CMTR1: variants seen among roughly 807,000 people sequenced by gnomAD.
CMTR1 encodes cap methyltransferase 1.
In CMTR1, 39 loss-of-function variants were observed where a neutral mutation model predicts 107.0. The ratio of observed to expected loss-of-function variants is 0.36; its 90% CI spans 0.28 to 0.48. The LOEUF (loss-of-function observed/expected upper bound fraction) is 0.48. Ranked by LOEUF, CMTR1 falls within the 20% of genes least tolerant of loss-of-function variation. CMTR1 has a pLI of 0.99. For missense variants in CMTR1, 672 were observed against 1,064.9 expected, an observed-to-expected ratio of 0.63 and a Z score of 5.14; for synonymous variants, 366 against 379.5, an observed-to-expected ratio of 0.96 and a Z score of 0.41.
At chr6:37,471,306 A>C (rs1448976065) in intron 14 of CMTR1, among the ~76,000 whole-genome samples, 1 of 152,208 alleles carries the variant, frequency 6.6e-6, no homozygotes, top group African/African-American at 2.4e-5. Flanking sequence ...GGAAAAGGAT[A>C]CAGGAAAGGT....
At chr6:37,429,743 G>T (rs1297257383), upstream of CMTR1, among the ~76,000 whole-genome samples, 1 of 152,178 alleles carries the variant, frequency 6.6e-6, no homozygotes, top group African/African-American at 2.4e-5. Context: ...TTCAAGACCA[G>T]CCTGGCCAAT....
chr6:37,463,583 GTGTT>G lies in CMTR1; in HGVS notation c.1505+578_1505+581del, dbSNP rs1761444177. On this transcript the variant is annotated intron_variant, in intron 13 of 23. Transcript: ENST00000373451. ...CTCAGTGGGCAGGCCTTTGAAAAAA[GTGTT>G]TGGAGATAGGCTGGAGGGTTGTATA... 2.0e-5 allele frequency among the ~76,000 whole-genome samples: 3 copies of G among 152,204 alleles called. 1 individual carries two copies. The South Asian group carries it at 6.2e-4, about 32-fold the overall frequency.
chr6:37,454,980 A>G (rs6905666), intron 8 of CMTR1, among the ~76,000 whole-genome samples: 6,359 of 152,162 alleles, frequency 0.042, 421 homozygotes, highest in African/African-American at 0.14. Context: ...TAGGGTCATA[A>G]TGGCTCTTGG....
At chr6:37,478,627 G>C in intron 22 of CMTR1, 106 bp downstream of exon 22, 1 of 861,386 alleles carries the variant, frequency 1.2e-6, no homozygotes, top group Non-Finnish European at 1.9e-6. Flanking sequence ...TCCCAGCTAA[G>C]GTGGGTAGCA....
intron 13 of CMTR1, among the ~76,000 whole-genome samples, chr6:37,469,720 G>A (rs1162915694): frequency 6.6e-6 from 1 of 151,580 alleles, no homozygotes; most frequent in Non-Finnish European, 1.5e-5. Context: ...TAGAGACAGA[G>A]TTTTGCTATG....
intron 4 of CMTR1, among the ~76,000 whole-genome samples, chr6:37,448,452 T>G (rs186317425): frequency 2.8e-4 from 43 of 152,320 alleles, no homozygotes; most frequent in Admixed American, 2.3e-3. Flanking sequence ...TCTTTCCAAG[T>G]TTATATGAGC....
chr6:37,465,904 T>C (rs1761498793), intron 13 of CMTR1, among the ~76,000 whole-genome samples: 1 of 138,780 alleles, frequency 7.2e-6, no homozygotes. Context: ...GATATGTGAT[T>C]TGAAAATATC....
intron 2 of CMTR1, among the ~76,000 whole-genome samples, chr6:37,442,563 G>A (rs570957276): frequency 6.6e-6 from 1 of 152,212 alleles, no homozygotes; most frequent in African/African-American, 2.4e-5. Context: ...GTCCAATGGG[G>A]ACAGCAAGTG....
At chr6:37,433,967 T>A (rs1771460285) in intron 1 of CMTR1, among the ~76,000 whole-genome samples, 1 of 152,220 alleles carries the variant, frequency 6.6e-6, no homozygotes, top group South Asian at 2.1e-4. Context: ...TTCACACAGC[T>A]GTTCAACAGT....
At chr6:37,452,116 G>C (rs565379417) in intron 6 of CMTR1, among the ~76,000 whole-genome samples, 1 of 152,150 alleles carries the variant, frequency 6.6e-6, no homozygotes, top group African/African-American at 2.4e-5. Flanking sequence ...TAATCTCAGT[G>C]GGTCTGTTCA....
intron 13 of CMTR1, among the ~76,000 whole-genome samples, chr6:37,464,144 A>G (rs764002838): frequency 1.3e-5 from 2 of 152,224 alleles, no homozygotes; most frequent in Non-Finnish European, 2.9e-5. Context: ...ACAAATGCAT[A>G]TATCCTTGTA....
upstream of CMTR1, among the ~76,000 whole-genome samples, chr6:37,429,527 A>G (rs1006298908): frequency 6.6e-6 from 1 of 152,250 alleles, no homozygotes; most frequent in Admixed American, 6.5e-5. Context: ...GGAGGCATGC[A>G]GTATTTATAG....
chr6:37,453,155 T>G lies in CMTR1; in HGVS notation c.704+14T>G. 6.2e-7 allele frequency: 1 copy of G among 1,613,548 alleles called. No individual in the cohort carries two copies. Among genetic ancestry groups the G allele is most frequent in the Non-Finnish European group, 8.5e-7 (1 of 1,179,498 alleles). ...CTTTCTAAACAGGTTTGCTGACATTTCCCTCCCCTCCCCTGATGCTCCCTG... is the reference window on the plus strand; with the variant it reads ...CTTTCTAAACAGGTTTGCTGACATTGCCCTCCCCTCCCCTGATGCTCCCTG... On this transcript the variant is annotated intron_variant, in intron 7 of 23. Transcript: ENST00000373451.
At chr6:37,447,712 C>G (rs958766327) in intron 4 of CMTR1, among the ~76,000 whole-genome samples, 12 of 151,482 alleles carry the variant, frequency 7.9e-5, no homozygotes, top group Admixed American at 7.9e-4. Flanking sequence ...AATACAAAAA[C>G]TAGCCAGGTG....
At chr6:37,479,726 C>T (rs1436139811) in intron 23 of CMTR1, among the ~76,000 whole-genome samples, 1 of 152,214 alleles carries the variant, frequency 6.6e-6, no homozygotes, top group East Asian at 1.9e-4. Flanking sequence ...CATTTTCTGT[C>T]ACCACACTAC....
intron 2 of CMTR1, among the ~76,000 whole-genome samples, chr6:37,443,541 G>T (rs1386452828): frequency 2.6e-5 from 4 of 152,108 alleles, no homozygotes; most frequent in Non-Finnish European, 4.4e-5. Context: ...TTTTATTAGA[G>T]ATAGGGTTTC....
Position 37,441,420 on chromosome 6 carries a change from CT to C in CMTR1, c.134-2568del, listed in dbSNP as rs1000521402. On this transcript the variant is annotated intron_variant, in intron 2 of 23. Transcript: ENST00000373451. ...CTTTTTTTACCCTAATTTTCTTTTTCTTTTTTTTTTTGAGACAGAGTTTAGC... is the reference window on the plus strand; with the variant it reads ...CTTTTTTTACCCTAATTTTCTTTTTCTTTTTTTTTTGAGACAGAGTTTAGC... Among the ~76,000 whole-genome samples the C allele has an allele frequency of 6.0e-4, 88 of 145,972 alleles. No individual in the cohort carries two copies. In the South Asian group the frequency reaches 7.1e-3, roughly 12 times the overall value.
intron 12 of CMTR1, among the ~76,000 whole-genome samples, 186 bp from the exon 13 acceptor site, chr6:37,462,643 G>T (rs1388020528): frequency 1.3e-5 from 2 of 152,198 alleles, no homozygotes; most frequent in African/African-American, 4.8e-5. Flanking sequence ...AGTAGAAATA[G>T]AGCTCAACAG....
upstream of CMTR1, among the ~76,000 whole-genome samples, chr6:37,430,455 T>G (rs1197758950): frequency 2.6e-5 from 4 of 152,100 alleles, no homozygotes; most frequent in Non-Finnish European, 5.9e-5. Flanking sequence ...ATATATGTAT[T>G]GTGAATCTTT....
Sources: allele counts gnomAD v4.1 joint callset (sites outside exome capture counted in the v4.1 genomes callset), GRCh38; gene constraint gnomAD v4.1.1; transcripts MANE v1.5; gene names NCBI Gene and HGNC (gene_info 2026-07-23, HGNC 2026-07-21).